PIWIL3: variants seen among roughly 807,000 people sequenced by gnomAD.
The protein encoded by PIWIL3 is piwi like RNA-mediated gene silencing 3.
A neutral mutation model predicts 109.7 loss-of-function variants in PIWIL3; 101 were observed. The ratio of observed to expected loss-of-function variants is 0.92; its 90% confidence interval spans 0.78 to 1.09. The LOEUF (loss-of-function observed/expected upper bound fraction) is 1.09. Among genes scored for constraint, PIWIL3 ranks in the 50% least tolerant of loss-of-function variants. The pLI is 0.00. For synonymous variants in PIWIL3, 373 were observed against 376.4 expected (o/e 0.99, Z 0.10); for missense variants, 1,031 against 1,072.6 (o/e 0.96, Z 0.54).
chr22:24,772,817 G>T (rs374041614), intron 1 of PIWIL3, among the ~76,000 whole-genome samples: 38 of 152,344 alleles, frequency 2.5e-4, no homozygotes, highest in Admixed American at 1.0e-3. Flanking sequence ...TGGGGAAAAG[G>T]TTGGCAGAGA....
chr22:24,735,511 A>G (rs985930555), intron 13 of PIWIL3, among the ~76,000 whole-genome samples, 197 bp downstream of exon 13: 1 of 152,218 alleles, frequency 6.6e-6, no homozygotes, highest in Non-Finnish European at 1.5e-5. Flanking sequence ...TAATTCTCAT[A>G]CCTTCTACAA....
In PIWIL3 at chr22:24,725,452, G is replaced by A; in HGVS notation, c.2073C>T (p.Cys691=). The A allele has an allele frequency of 6.2e-7, 1 of 1,613,844 alleles. No individual in the cohort carries two copies. ...CCGCTACAAGACACTGACCTTTCAA[G>A]CAGATCTCCAGCTCTTTCACAAGCT... ...GEELVKELEI[C]LKAALDVWCK... is the part of the protein sequence containing the mutation. The change falls in exon 17 of 21, where the codon TGC becomes TGT. Residue 691 remains cysteine, a synonymous_variant. Transcript: ENST00000616349.
rs941821544 is a variant in PIWIL3 at position 24,774,447 on chromosome 22, G to A, written c.-148C>T. ...GAAAAATAATTCAGGACAAGCCACT[G>A]GAGGGGGTCACACCACCTGACACCT... On this transcript the variant is annotated 5_prime_UTR_variant, in exon 1 of 21. Coordinates refer to ENST00000616349, the MANE Select transcript of PIWIL3 (RefSeq NM_001255975.1). The A allele has an allele frequency of 3.3e-5, 5 of 152,260 alleles. No individual in the cohort carries two copies. The highest frequency in any genetic ancestry group is 1.2e-4 in the African/African-American group (5 of 41,436). The allele number at this position is 152,260 out of a possible 1,614,324, so 9.4% of individuals were successfully genotyped here. A position where few individuals can be genotyped will look rare whatever the true frequency, so the allele number is the denominator to read the frequency against.
intron 18 of PIWIL3, among the ~76,000 whole-genome samples, chr22:24,724,504 G>A (rs1601821844): frequency 6.6e-6 from 1 of 150,696 alleles, no homozygotes; most frequent in African/African-American, 2.5e-5. Flanking sequence ...GCGCGATCTC[G>A]GCTCACTGCA....
intron 12 of PIWIL3, among the ~76,000 whole-genome samples, chr22:24,736,883 T>C (rs1422678474): frequency 6.6e-6 from 1 of 152,222 alleles, no homozygotes; most frequent in Non-Finnish European, 1.5e-5. Flanking sequence ...CATTTGATTC[T>C]GGCCCTAGCC....
chr22:24,757,718 C>T (rs1160727449), intron 4 of PIWIL3, among the ~76,000 whole-genome samples, 190 bp downstream of exon 4: 1 of 75,584 alleles, frequency 1.3e-5, no homozygotes, highest in Non-Finnish European at 2.9e-5. Context: ...ATGGTGGTGC[C>T]CACCTGTAGT....
chr22:24,744,017 A>G (rs1924163994), intron 12 of PIWIL3, among the ~76,000 whole-genome samples: 1 of 151,844 alleles, frequency 6.6e-6, no homozygotes, highest in African/African-American at 2.4e-5. Flanking sequence ...ATAGCATACT[A>G]GAGAAAATCA....
chr22:24,719,378 T>C lies in PIWIL3; in HGVS notation c.*94A>G, dbSNP rs1922525846. ...CAAAAACGATGAGAATTTAATGCTA[T>C]GGACCTAGGAAAATATTTCAGACAT... On this transcript the variant is annotated 3_prime_UTR_variant, in exon 21 of 21. Transcript: ENST00000616349. The C allele has an allele frequency of 1.0e-6, 1 of 977,082 alleles. No homozygotes were observed. The highest frequency in any genetic ancestry group is 1.6e-5 in the African/African-American group (1 of 61,004). The allele number at this position is 977,082 out of a possible 1,614,324, so 60.5% of individuals were successfully genotyped here. A position where few individuals can be genotyped will look rare whatever the true frequency, so the allele number is the denominator to read the frequency against.
chr22:24,736,066 T>C (rs1923640912), intron 12 of PIWIL3, among the ~76,000 whole-genome samples, 174 bp from the exon 13 acceptor site: 1 of 152,208 alleles, frequency 6.6e-6, no homozygotes, highest in Non-Finnish European at 1.5e-5. Flanking sequence ...ACTGAAATTC[T>C]ATCCTAGGTG....
At chr22:24,732,434 G>T (rs191783348) in intron 14 of PIWIL3, among the ~76,000 whole-genome samples, 1 of 152,222 alleles carries the variant, frequency 6.6e-6, no homozygotes, top group Non-Finnish European at 1.5e-5. Context: ...TGTTCCAAAA[G>T]GCAAATCTAG....
chr22:24,723,462 A>G (rs1922801080), intron 18 of PIWIL3, among the ~76,000 whole-genome samples: 1 of 152,176 alleles, frequency 6.6e-6, no homozygotes, highest in Admixed American at 6.6e-5. Flanking sequence ...CCCACATCCC[A>G]GGGGAAGGGT....
chr22:24,734,971 T>C (rs1014559274), intron 13 of PIWIL3, among the ~76,000 whole-genome samples: 1 of 151,702 alleles, frequency 6.6e-6, no homozygotes, highest in Non-Finnish European at 1.5e-5. Context: ...AAGCCGAGGC[T>C]GAGAAGACTA....
rs766311833 is a variant in PIWIL3 at position 24,755,921 on chromosome 22, A to G, written c.571-16T>C. 26 of 1,583,734 alleles carry G rather than the reference A, an allele frequency of 1.6e-5. 1 individual carries two copies. In the South Asian group the frequency reaches 2.9e-4, roughly 17 times the overall value. ...ATTCCACTCTCTGAGATTAAAAAAA[A>G]ACAAAAAAAAAAGTCCAGATATTCT... On this transcript the variant is annotated splice_polypyrimidine_tract_variant and intron_variant, in intron 5 of 20. Transcript: ENST00000616349.
chr22:24,722,033 C>T (rs1418127730), intron 19 of PIWIL3, among the ~76,000 whole-genome samples: 1 of 152,204 alleles, frequency 6.6e-6, no homozygotes, highest in African/African-American at 2.4e-5. Context: ...AAGTGTCATA[C>T]AAAATGTTTC....
rs772830693 is a variant in PIWIL3, at chr22:24,762,493, C to CA, written c.6dup (p.Gly3TrpfsTer2). The CA allele has an allele frequency of 1.6e-4, 252 of 1,612,122 alleles. No homozygotes were observed. The highest frequency in any genetic ancestry group is 2.0e-4 in the Non-Finnish European group (236 of 1,179,390). ...CCTCGGGCGCGAGTCCTTGCCCTAC[C>CA]AGGCATTGTGGTCCTGAAGGTGATG... On this transcript the variant is annotated frameshift_variant, in exon 2 of 21. Coordinates refer to ENST00000616349, the MANE Select transcript of PIWIL3 (RefSeq NM_001255975.1). LOFTEE classifies it high-confidence loss of function.
chr22:24,724,996 G>GTGGCA lies in PIWIL3; in HGVS notation c.2117_2121dup (p.His708CysfsTer32). ...CCATCCCGATACACAATAACAGAAT[G>GTGGCA]TGGCATCGATGATTCGTTTTTACAC... On this transcript the variant is annotated frameshift_variant, in exon 18 of 21. Transcript: ENST00000616349. LOFTEE classifies it high-confidence loss of function. 6.2e-7 allele frequency: 1 copy of GTGGCA among 1,614,174 alleles called. No homozygotes were observed.
rs1270043649 is a variant in PIWIL3, at chr22:24,723,256, CTT to C, written c.2232-3_2232-2del. On this transcript the variant is annotated splice_acceptor_variant and splice_polypyrimidine_tract_variant and intron_variant, in intron 18 of 20. Coordinates refer to ENST00000616349, the MANE Select transcript of PIWIL3 (RefSeq NM_001255975.1). LOFTEE classifies it high-confidence loss of function. Reference sequence around the variant, plus strand: ...CACCACAATGAAAGCTAGAGTGAAACTTAAAAAAATTAGGGTAAGTGTCACTA... The same window carrying C: ...CACCACAATGAAAGCTAGAGTGAAACAAAAAAATTAGGGTAAGTGTCACTA... 6.2e-7 allele frequency: 1 copy of C among 1,608,814 alleles called. No homozygotes were observed. Among genetic ancestry groups the C allele is most frequent in the Non-Finnish European group, 8.5e-7 (1 of 1,176,982 alleles).
chr22:24,760,123 G>T, intron 2 of PIWIL3, 134 bp from the exon 3 acceptor site: 3 of 1,248,548 alleles, frequency 2.4e-6, no homozygotes, highest in Non-Finnish European at 3.3e-6. Context: ...AAACTAAGTT[G>T]TAATAAGCAA....
chr22:24,729,033 A>C (rs738823), intron 14 of PIWIL3, among the ~76,000 whole-genome samples: 1 of 152,056 alleles, frequency 6.6e-6, no homozygotes, highest in Non-Finnish European at 1.5e-5. Context: ...TTCTTTGTGT[A>C]ATCAGCAGGC....
Sources: allele counts gnomAD v4.1 joint callset (sites outside exome capture counted in the v4.1 genomes callset), GRCh38; gene constraint gnomAD v4.1.1; transcripts MANE v1.5; gene names NCBI Gene and HGNC (gene_info 2026-07-23, HGNC 2026-07-21).